Variants in FAM120B observed in about 807,000 individuals in gnomAD.
The protein encoded by FAM120B is family with sequence similarity 120 member B, also known as constitutive coactivator of peroxisome proliferator-activated receptor gamma.
FAM120B carries 83 observed loss-of-function variants against 96.3 expected under a neutral mutation model. The observed-to-expected ratio is 0.86, with a 90% CI of 0.72 to 1.03. FAM120B has a LOEUF of 1.03. Among genes scored for constraint, FAM120B ranks in the 50% least tolerant of loss-of-function variants. The pLI, the probability that FAM120B is intolerant of heterozygous loss-of-function variation, is 0.00. For synonymous variants in FAM120B, 407 were observed against 402.7 expected (o/e 1.01, Z -0.13); for missense variants, 1,027 against 1,121.2 (o/e 0.92, Z 1.20).
intron 6 of FAM120B, among the ~76,000 whole-genome samples, chr6:170,361,124 A>T (rs1788328816): frequency 6.7e-6 from 1 of 149,832 alleles, no homozygotes; most frequent in Non-Finnish European, 1.5e-5. Context: ...GTGAATTTTA[A>T]AACACCCTAT....
chr6:170,318,912 G>T lies in FAM120B; in HGVS notation c.1522G>T (p.Val508Phe), dbSNP rs1232423448. ...MCTGHESKQE[V>F]PICTDPISKQ... ...TACAGGCCATGAATCCAAACAGGAA[G>T]TTCCCATATGTACAGATCCTATATC... Residue 508 changes from valine to phenylalanine, a missense_variant, in exon 2 of 11, where the codon GTT becomes TTT. This residue lies in a region of FAM120B where 880 missense variants were observed against 980.9 expected (regional missense o/e 0.90). Transcript: ENST00000476287. The T allele has an allele frequency of 1.9e-6, 3 of 1,614,082 alleles. No individual in the cohort carries two copies. Among genetic ancestry groups the T allele is most frequent in the African/African-American group, 2.7e-5 (2 of 74,944 alleles).
At position 170,295,362 on chromosome 6, in the gene FAM120B, C is replaced by G; in HGVS notation, c.-44C>G. On this transcript the variant is annotated 5_prime_UTR_variant, in exon 1 of 11. Coordinates refer to the FAM120B transcript ENST00000537664. This position sits in a 1 kb window ranked among gnomAD's most constrained non-coding sequence, Gnocchi z 7.8. The stretch of plus-strand genomic sequence containing the variant: ...TGGACTTACAAGCCCACGAAGCCAT[C>G]GTTCGTCACAGCCTGGAAAAGGGAG... 1.4e-6 allele frequency: 1 copy of G among 699,920 alleles called. No individual in the cohort carries two copies. The highest frequency in any genetic ancestry group is 2.6e-6 in the Non-Finnish European group (1 of 383,830). 43.4% of individuals were successfully genotyped at this position (699,920 alleles called of 1,614,324 possible).
intron 6 of FAM120B, among the ~76,000 whole-genome samples, chr6:170,372,784 A>C (rs1789278156): frequency 6.6e-6 from 1 of 152,220 alleles, no homozygotes; most frequent in Admixed American, 6.5e-5. Context: ...TACGTTCTGT[A>C]AGACTGTGCC....
upstream of FAM120B, among the ~76,000 whole-genome samples, chr6:170,306,231 G>A (rs533836739): frequency 3.9e-4 from 60 of 152,264 alleles, no homozygotes; most frequent in Admixed American, 3.5e-3. Context: ...AGGGTCGAAC[G>A]CCAGGACGTC....
chr6:170,393,832 T>C (rs979542870), intron 8 of FAM120B, among the ~76,000 whole-genome samples: 3 of 152,168 alleles, frequency 2.0e-5, no homozygotes, highest in African/African-American at 7.2e-5. Flanking sequence ...GGAAGGGCTG[T>C]AGGGACGTGG....
At chr6:170,310,281 T>C (rs1784518405) in intron 1 of FAM120B, among the ~76,000 whole-genome samples, 1 of 152,360 alleles carries the variant, frequency 6.6e-6, no homozygotes, top group Middle Eastern at 3.4e-3. Context: ...TCTGGGTTGC[T>C]GGGAAAAGCC....
intron 9 of FAM120B, among the ~76,000 whole-genome samples, chr6:170,398,304 T>G (rs563367557): frequency 6.6e-6 from 1 of 152,276 alleles, no homozygotes; most frequent in African/African-American, 2.4e-5. Context: ...AGTGTAACTC[T>G]TAGGAGTCAA....
chr6:170,322,993 T>C, intron 2 of FAM120B, 86 bp from the exon 3 acceptor site: 1 of 1,150,598 alleles, frequency 8.7e-7, no homozygotes, highest in Non-Finnish European at 1.2e-6. Flanking sequence ...AAAACTGGCA[T>C]ATGATGAAAG....
At chr6:170,299,292 A>G (rs973424523) in intron 1 of FAM120B, among the ~76,000 whole-genome samples, 4 of 152,204 alleles carry the variant, frequency 2.6e-5, no homozygotes, top group Non-Finnish European at 5.9e-5. Context: ...GGTGATTTGC[A>G]TGGTTCAAGG....
At chr6:170,396,362 G>A (rs1778162220) in intron 9 of FAM120B, among the ~76,000 whole-genome samples, 1 of 152,318 alleles carries the variant, frequency 6.6e-6, no homozygotes, top group Admixed American at 6.5e-5. Context: ...CATCTGTTGA[G>A]TACCGTGTCC....
Position 170,330,495 on chromosome 6 carries a change from T to A in FAM120B, c.1962T>A (p.Pro654=). ...CLAVKEWFVY[P]GNPLRHPDLV... ...CTGTCAAGGAGTGGTTTGTGTATCC[T>A]GGGAACCCACTGAGGCACCCGGACC... The change falls in exon 4 of 11, where the codon CCT becomes CCA. Residue 654 remains proline, a synonymous_variant. Coordinates refer to ENST00000476287, the MANE Select transcript of FAM120B (RefSeq NM_032448.3). 1 of 1,614,166 alleles carries A rather than the reference T, an allele frequency of 6.2e-7. No individual in the cohort carries two copies. The highest frequency in any genetic ancestry group is 8.5e-7 in the Non-Finnish European group (1 of 1,180,006).
chr6:170,326,361 G>T (rs887836908), intron 3 of FAM120B, among the ~76,000 whole-genome samples: 1 of 152,130 alleles, frequency 6.6e-6, no homozygotes, highest in Non-Finnish European at 1.5e-5. Context: ...CCCTCCATGT[G>T]CCCCTGTGTC....
At chr6:170,356,807 C>A (rs1294359227) in intron 5 of FAM120B, among the ~76,000 whole-genome samples, 1 of 152,168 alleles carries the variant, frequency 6.6e-6, no homozygotes, top group Admixed American at 6.5e-5. Context: ...ACAACAGCCA[C>A]AAATGATTTT....
intron 6 of FAM120B, among the ~76,000 whole-genome samples, chr6:170,373,286 G>A (rs749497605): frequency 1.3e-5 from 2 of 152,086 alleles, no homozygotes; most frequent in Non-Finnish European, 2.9e-5. Flanking sequence ...TTTTATTTAC[G>A]AATTTTATTC....
chr6:170,320,204 A>G (rs1434544393), intron 2 of FAM120B, among the ~76,000 whole-genome samples: 3 of 152,166 alleles, frequency 2.0e-5, no homozygotes, highest in Non-Finnish European at 2.9e-5. Context: ...AGTTACAACT[A>G]CATAGATCTG....
At chr6:170,324,737 T>C (rs1785490311) in intron 3 of FAM120B, among the ~76,000 whole-genome samples, 1 of 152,226 alleles carries the variant, frequency 6.6e-6, no homozygotes, top group African/African-American at 2.4e-5. Context: ...CTTTAGTTTC[T>C]TTCTTTCTCC....
At chr6:170,393,039 G>T (rs182630221) in intron 8 of FAM120B, among the ~76,000 whole-genome samples, 1 of 152,004 alleles carries the variant, frequency 6.6e-6, no homozygotes, top group Non-Finnish European at 1.5e-5. Flanking sequence ...TTGCGCCGTG[G>T]CTGGGCACAC....
In FAM120B at chr6:170,401,458, G is replaced by A. The variant is rs148863596; in HGVS notation, c.2693-3092G>A. Among the ~76,000 whole-genome samples the A allele has an allele frequency of 4.3e-3, 651 of 152,258 alleles. 10 individuals are homozygous for A. Among genetic ancestry groups the A allele is most frequent in the African/African-American group, 0.015 (620 of 41,556 alleles). ...CAGGACTGAGCTGGAGAAGGAGGCC[G>A]TCCAGAAGCTGGCAGAGAAGAGAGG... On this transcript the variant is annotated intron_variant, in intron 9 of 10. Coordinates refer to ENST00000476287, the MANE Select transcript of FAM120B (RefSeq NM_032448.3).
At chr6:170,396,038 T>C (rs1435719773) in intron 9 of FAM120B, among the ~76,000 whole-genome samples, 11 of 152,254 alleles carry the variant, frequency 7.2e-5, no homozygotes, top group Admixed American at 7.2e-4. Context: ...GTACAGATGC[T>C]GTTTTAATGC....
Sources: gnomAD v4.1 joint callset for allele counts (sites outside exome capture counted in the v4.1 genomes callset) on GRCh38, gnomAD v4.1.1 for gene constraint, gnomAD v4.1.1 regional missense constraint, Gnocchi (gnomAD v3.1) non-coding constraint, MANE v1.5 for transcripts, NCBI Gene and HGNC (gene_info 2026-07-23, HGNC 2026-07-21) for gene names.